MAP3K5: variants seen among roughly 807,000 people sequenced by gnomAD.
MAP3K5 encodes the protein mitogen-activated protein kinase kinase kinase 5, also known as ASK-1.
Under a neutral mutation model 158.7 loss-of-function variants are expected in MAP3K5, and 56 were observed. That is an observed-to-expected ratio of 0.35 (90% CI 0.28 to 0.44). The LOEUF (loss-of-function observed/expected upper bound fraction) is 0.44. Ranked by LOEUF, MAP3K5 falls within the 20% of genes least tolerant of loss-of-function variation. MAP3K5 has a pLI of 1.00. For synonymous variants in MAP3K5, 579 were observed against 601.7 expected (o/e 0.96, Z 0.55); for missense variants, 1,294 against 1,674.8 (o/e 0.77, Z 3.97).
chr6:136,706,900 C>T (rs557217424), intron 2 of MAP3K5, among the ~76,000 whole-genome samples: 9 of 152,314 alleles, frequency 5.9e-5, no homozygotes, highest in East Asian at 3.9e-4. Context: ...TAAATCTCAG[C>T]GCTTTGGGAG....
In MAP3K5 at chr6:136,604,353, A is replaced by G. The variant is rs532967712; in HGVS notation, c.2679+856T>C. ...AAAAAAGAAGAAAGAAAGAAAGAAAAAAAGAAAAAAAAAGAAAAGAAAAAG... is the reference window on the plus strand; with the variant it reads ...AAAAAAGAAGAAAGAAAGAAAGAAAGAAAGAAAAAAAAAGAAAAGAAAAAG... On this transcript the variant is annotated intron_variant, in intron 19 of 29. Transcript: ENST00000359015. Among the ~76,000 whole-genome samples the G allele has an allele frequency of 5.3e-5, 8 of 152,146 alleles. No individual in the cohort carries two copies. The South Asian group carries it at 1.7e-3, about 32-fold the overall frequency.
At chr6:136,576,629 C>T (rs1003501898) in intron 25 of MAP3K5, among the ~76,000 whole-genome samples, 1 of 152,118 alleles carries the variant, frequency 6.6e-6, no homozygotes, top group African/African-American at 2.4e-5. Flanking sequence ...TTTATTTCCC[C>T]TGCCCCCAGC....
At chr6:136,774,476 A>G (rs1294816130) in intron 1 of MAP3K5, among the ~76,000 whole-genome samples, 1 of 152,064 alleles carries the variant, frequency 6.6e-6, no homozygotes, top group East Asian at 1.9e-4. Flanking sequence ...AACAACAACA[A>G]CAAACAATTA....
chr6:136,757,588 T>TTA (rs1582651551), intron 1 of MAP3K5, among the ~76,000 whole-genome samples: 4 of 137,820 alleles, frequency 2.9e-5, no homozygotes, highest in East Asian at 4.4e-4. Context: ...TATTTTTTAT[T>TTA]TTTTTTTTTT....
At position 136,791,756 on chromosome 6, in the gene MAP3K5, T is replaced by C; in HGVS notation, c.402A>G (p.Lys134=). The C allele has an allele frequency of 2.5e-6, 4 of 1,613,246 alleles. No individual in the cohort carries two copies. Among genetic ancestry groups the C allele is most frequent in the African/African-American group, 1.3e-5 (1 of 75,006 alleles). ...GCACGGTGGTTTCTCCAAAGTCGAG[T>C]TTCCCAAAATGCAGGGTTTCCAGGG... ...GATLETLHFG[K]LDFGETTVLD... is the part of the protein sequence containing the mutation. Residue 134 remains lysine, a synonymous_variant, in exon 1 of 30, where the codon AAA becomes AAG. Transcript: ENST00000359015.
In MAP3K5 at chr6:136,792,060, C is replaced by T; in HGVS notation, c.98G>A (p.Gly33Glu). Residue 33 changes from glycine (G) to glutamate (E), a missense_variant, in exon 1 of 30, where the codon GGA (glycine) becomes GAA (glutamate). By Grantham distance (98) the Gly-to-Glu change is moderately conservative. Around this residue, in one of 5 missense-constraint regions of MAP3K5, gnomAD observed 690 missense variants for 870.5 expected, o/e 0.79. Coordinates refer to ENST00000359015, the MANE Select transcript of MAP3K5 (RefSeq NM_005923.4). The surrounding 1 kb of genome is among the most constrained non-coding windows in gnomAD (Gnocchi z 5.7). ...GCCCTCGCCCACCGCCGCCGCTCCT[C>T]CCCTCCTGCAGATGCCGCCCTCGGG... is the stretch of plus-strand genomic sequence containing the variant. ...TIPEGGICRR[G>E]GAAAVGEGEE... The T allele has an allele frequency of 1.3e-6, 2 of 1,560,128 alleles. No individual in the cohort carries two copies. Among genetic ancestry groups the T allele is most frequent in the Non-Finnish European group, 1.7e-6 (2 of 1,159,756 alleles).
chr6:136,736,617 A>G (rs930365462), intron 1 of MAP3K5, among the ~76,000 whole-genome samples: 1 of 152,170 alleles, frequency 6.6e-6, no homozygotes, highest in African/African-American at 2.4e-5. Context: ...ATAATGAAAG[A>G]GTCTGGTTCT....
intron 1 of MAP3K5, among the ~76,000 whole-genome samples, chr6:136,780,345 GCCT>G (rs1784565871): frequency 6.6e-6 from 1 of 152,136 alleles, no homozygotes; most frequent in Non-Finnish European, 1.5e-5. Context: ...TTATAGAATT[GCCT>G]TACAAAATAT....
chr6:136,777,962 T>C (rs1407891237), intron 1 of MAP3K5, among the ~76,000 whole-genome samples: 8 of 152,202 alleles, frequency 5.3e-5, no homozygotes, highest in Non-Finnish European at 1.0e-4. Flanking sequence ...ATATTTTAAT[T>C]ATCTAAAACA....
chr6:136,591,356 G>C (rs897717985), intron 23 of MAP3K5, among the ~76,000 whole-genome samples: 1 of 152,254 alleles, frequency 6.6e-6, no homozygotes, highest in African/African-American at 2.4e-5. Flanking sequence ...CAGTGGAATA[G>C]TGTCCTTTCC....
intron 23 of MAP3K5, among the ~76,000 whole-genome samples, chr6:136,590,604 G>C (rs577788755): frequency 6.6e-6 from 1 of 150,860 alleles, no homozygotes; most frequent in Admixed American, 6.6e-5. Flanking sequence ...GCAGTGGCGC[G>C]ATCTCAGCTC....
intron 17 of MAP3K5, 44 bp from the exon 18 acceptor site, chr6:136,611,431 G>T: frequency 8.9e-7 from 1 of 1,123,604 alleles, no homozygotes; most frequent in Non-Finnish European, 1.3e-6. Flanking sequence ...TCTTTCTTCA[G>T]ATACTGTCTG....
At chr6:136,790,762 A>C (rs770237451) in intron 1 of MAP3K5, among the ~76,000 whole-genome samples, 18 of 152,226 alleles carry the variant, frequency 1.2e-4, no homozygotes, top group Non-Finnish European at 2.5e-4. Context: ...CACAAATGTA[A>C]ACATAAATAT....
chr6:136,599,881 T>C (rs1452920331), intron 21 of MAP3K5, among the ~76,000 whole-genome samples: 2 of 152,146 alleles, frequency 1.3e-5, no homozygotes, highest in East Asian at 1.9e-4. Context: ...TTTGTGACAA[T>C]GCAAGGCTGC....
chr6:136,769,988 A>G (rs1285503369), intron 1 of MAP3K5, among the ~76,000 whole-genome samples: 1 of 152,114 alleles, frequency 6.6e-6, no homozygotes, highest in Non-Finnish European at 1.5e-5. Context: ...GCTACTATAT[A>G]CATCAGTAAG....
chr6:136,601,073 A>G, intron 20 of MAP3K5, 31 bp from the exon 21 acceptor site: 1 of 1,612,772 alleles, frequency 6.2e-7, no homozygotes, highest in Non-Finnish European at 8.5e-7. Context: ...AGCCATGAAT[A>G]AGCACGTGCT....
At position 136,663,478 on chromosome 6, in the gene MAP3K5, T is replaced by C. The variant is rs74444131; in HGVS notation, c.1367-4100A>G. 3.0e-3 allele frequency among the ~76,000 whole-genome samples: 463 copies of C among 152,292 alleles called. 16 individuals are homozygous for C. In the East Asian group the frequency reaches 0.049, roughly 16 times the overall value. ...TAACAAAAACAATTCACTGATATTA[T>C]CTATCATCTAGTCCTGATTCAGATT... On this transcript the variant is annotated intron_variant, in intron 8 of 29. Transcript: ENST00000359015.
chr6:136,685,196 T>C (rs1240835385), intron 7 of MAP3K5, among the ~76,000 whole-genome samples: 2 of 151,780 alleles, frequency 1.3e-5, no homozygotes, highest in Admixed American at 6.6e-5. Flanking sequence ...CACGCGCCTG[T>C]AGTCCCAGCT....
At chr6:136,563,642 T>C (rs1830613293) in intron 26 of MAP3K5, among the ~76,000 whole-genome samples, 1 of 152,212 alleles carries the variant, frequency 6.6e-6, no homozygotes, top group African/African-American at 2.4e-5. Flanking sequence ...CCAAAGTTCT[T>C]ACCCATAGAA....
Sources: gnomAD v4.1 joint callset for allele counts (sites outside exome capture counted in the v4.1 genomes callset) on GRCh38, gnomAD v4.1.1 for gene constraint, gnomAD v4.1.1 regional missense constraint, Gnocchi (gnomAD v3.1) non-coding constraint, MANE v1.5 for transcripts, NCBI Gene and HGNC (gene_info 2026-07-23, HGNC 2026-07-21) for gene names.